The following TRIO variants were observed in gnomAD, a reference collection of about 807,000 sequenced individuals.
TRIO encodes the protein trio Rho guanine nucleotide exchange factor, also known as triple functional domain protein.
Under a neutral mutation model 351.9 loss-of-function variants are expected in TRIO, and 58 were observed. That is an observed-to-expected ratio of 0.16 (90% CI 0.13 to 0.21). The LOEUF (loss-of-function observed/expected upper bound fraction) is 0.21, where lower values mean the gene tolerates loss of function less well. Ranked by LOEUF, TRIO falls within the 10% of genes least tolerant of loss-of-function variation. TRIO has a pLI of 1.00. For missense variants in TRIO, 3,201 were observed against 4,027.8 expected, an observed-to-expected ratio of 0.79 and a Z score of 5.56; for synonymous variants, 1,758 against 1,595.7, an observed-to-expected ratio of 1.10 and a Z score of -2.42.
intron 1 of TRIO, among the ~76,000 whole-genome samples, chr5:14,241,539 T>C (rs1435564549): frequency 1.3e-5 from 2 of 152,240 alleles, no homozygotes; most frequent in African/African-American, 4.8e-5. Context: ...TTAAAAATGT[T>C]CTTAAAACCC....
In TRIO at chr5:14,492,582, A is replaced by G. The variant is rs551360394; in HGVS notation, c.7648A>G (p.Ser2550Gly). The change falls in exon 49 of 57, where the codon AGT (serine) becomes GGT (glycine). Residue 2550 changes from serine (S) to glycine (G), a missense_variant. Ser to Gly is a moderately conservative substitution (Grantham distance 56, BLOSUM62 0). Transcript: ENST00000344204. ...CCCTCTGCAGAGTGAAAGCAGCAGC[A>G]GTAGCAACATCTCCACCATGTTGGT... ...TQSNGSESSSSSNISTMLVTH... is the reference protein window; with the variant it reads ...TQSNGSESSSGSNISTMLVTH... 4 of 1,614,056 alleles carry G rather than the reference A, an allele frequency of 2.5e-6. No homozygotes were observed. The highest frequency in any genetic ancestry group is 1.1e-5 in the South Asian group (1 of 91,084).
Position 14,487,508 on chromosome 5 carries a change from G to A in TRIO, c.6880G>A (p.Gly2294Ser), listed in dbSNP as rs468203. The change falls in exon 48 of 57, where the codon GGC becomes AGC. Residue 2294 changes from glycine to serine, a missense_variant. Gly to Ser is a moderately conservative substitution (Grantham distance 56). Transcript: ENST00000344204. Reference protein sequence around the residue: ...IEYQRNHSGGGGGGGSGGSGG... With the variant: ...IEYQRNHSGGSGGGGSGGSGG... The stretch of plus-strand genomic sequence containing the variant: ...GTACCAGAGGAACCACAGCGGGGGC[G>A]GCGGCGGCGGCGGCAGCGGGGGCAG... 1 of 1,076,466 alleles carries A rather than the reference G, an allele frequency of 9.3e-7. No homozygotes were observed. 66.7% of individuals were successfully genotyped at this position (1,076,466 alleles called of 1,614,324 possible).
At chr5:14,451,913 G>T (rs1373765811) in intron 34 of TRIO, among the ~76,000 whole-genome samples, 1 of 152,204 alleles carries the variant, frequency 6.6e-6, no homozygotes, top group Non-Finnish European at 1.5e-5. Context: ...AGTAAGATGG[G>T]AATATCTGTC....
At chr5:14,484,835 C>T (rs548640142) in intron 46 of TRIO, among the ~76,000 whole-genome samples, 1 of 152,250 alleles carries the variant, frequency 6.6e-6, no homozygotes, top group Non-Finnish European at 1.5e-5. Flanking sequence ...CTAAGGACTT[C>T]CTGTAAGTGG....
intron 41 of TRIO, among the ~76,000 whole-genome samples, chr5:14,479,007 T>C (rs1274360453): frequency 2.0e-5 from 3 of 151,608 alleles, no homozygotes; most frequent in Non-Finnish European, 4.4e-5. Flanking sequence ...CCTATGGTGT[T>C]TGTTGGTATT....
chr5:14,445,166 TG>T (rs1184753159), intron 34 of TRIO, among the ~76,000 whole-genome samples: 2 of 152,228 alleles, frequency 1.3e-5, no homozygotes, highest in Non-Finnish European at 2.9e-5. Flanking sequence ...TGAGTCGGCC[TG>T]GGAGCTGGGT....
chr5:14,267,567 AT>A (rs1795756151), intron 1 of TRIO, among the ~76,000 whole-genome samples: 1 of 152,198 alleles, frequency 6.6e-6, no homozygotes, highest in Non-Finnish European at 1.5e-5. Context: ...GAAGCCACTT[AT>A]TTTTAATTTT....
At chr5:14,472,510 G>T in intron 38 of TRIO, 82 bp from the exon 39 acceptor site, 1 of 1,418,322 alleles carries the variant, frequency 7.1e-7, no homozygotes, top group Non-Finnish European at 9.9e-7. Context: ...CCTGGAAGGA[G>T]TCCATCTTGA....
intron 1 of TRIO, among the ~76,000 whole-genome samples, chr5:14,145,091 C>G (rs868551535): frequency 2.0e-5 from 3 of 152,062 alleles, no homozygotes; most frequent in African/African-American, 7.2e-5. Context: ...CTGGGGACAC[C>G]GACAGGCCGG....
intron 1 of TRIO, among the ~76,000 whole-genome samples, chr5:14,199,106 A>C (rs1790938767): frequency 7.1e-6 from 1 of 139,906 alleles, no homozygotes; most frequent in Non-Finnish European, 1.5e-5. Context: ...GCATGATGGC[A>C]GGTGCCTGTA....
At chr5:14,145,682 G>C (rs1465587961) in intron 1 of TRIO, among the ~76,000 whole-genome samples, 1 of 152,146 alleles carries the variant, frequency 6.6e-6, no homozygotes, top group Non-Finnish European at 1.5e-5. Flanking sequence ...AGGCTCTTCT[G>C]CGTTGGAGAT....
intron 18 of TRIO, among the ~76,000 whole-genome samples, chr5:14,370,123 CTT>C (rs56791314): frequency 9.7e-5 from 14 of 144,322 alleles, no homozygotes; most frequent in Admixed American, 2.1e-4. Flanking sequence ...TTCTTTCTTT[CTT>C]TTTTTTTTTT....
intron 3 of TRIO, among the ~76,000 whole-genome samples, chr5:14,283,882 T>C (rs1474523350): frequency 6.6e-6 from 1 of 151,968 alleles, no homozygotes; most frequent in Non-Finnish European, 1.5e-5. Flanking sequence ...TTCTTGCTGC[T>C]GTCATTGCAA....
chr5:14,169,526 G>T (rs1276609365), intron 1 of TRIO, among the ~76,000 whole-genome samples: 3 of 152,096 alleles, frequency 2.0e-5, no homozygotes, highest in African/African-American at 4.8e-5. Context: ...CTTAGACGTT[G>T]GTTTCTCTTG....
intron 34 of TRIO, among the ~76,000 whole-genome samples, chr5:14,431,166 C>T (rs1292107360): frequency 1.3e-5 from 2 of 152,234 alleles, no homozygotes; most frequent in African/African-American, 2.4e-5. Flanking sequence ...CCCAGGAGAA[C>T]ATCCTCACGC....
At position 14,394,859 on chromosome 5, in the gene TRIO, T is replaced by C. The variant is rs1265265086; in HGVS notation, c.4311+729T>C. 2.0e-5 allele frequency among the ~76,000 whole-genome samples: 3 copies of C among 152,060 alleles called. No homozygotes were observed. In the East Asian group the frequency reaches 5.8e-4, roughly 29 times the overall value. On this transcript the variant is annotated intron_variant, in intron 28 of 56. Coordinates refer to ENST00000344204, the MANE Select transcript of TRIO (RefSeq NM_007118.4). ...CACAAAATGTATTTTATTTTTATAT[T>C]ATATATCATCAATACACATTTTCTT...
intron 1 of TRIO, among the ~76,000 whole-genome samples, chr5:14,173,284 A>G (rs1286711383): frequency 7.1e-6 from 1 of 140,598 alleles, no homozygotes; most frequent in Non-Finnish European, 1.5e-5. Context: ...GATCTAGGCT[A>G]ATTACAACCT....
At chr5:14,220,321 C>T (rs1423783117) in intron 1 of TRIO, among the ~76,000 whole-genome samples, 5 of 152,292 alleles carry the variant, frequency 3.3e-5, no homozygotes, top group East Asian at 3.9e-4. Context: ...TGTGTTCTGA[C>T]TGCTCCATTG....
intron 17 of TRIO, 128 bp from the exon 18 acceptor site, chr5:14,369,246 T>C (rs1744865391): frequency 7.4e-7 from 1 of 1,350,528 alleles, no homozygotes; most frequent in Non-Finnish European, 9.9e-7. Context: ...AGCCCATGGC[T>C]CCTTCTTATG....
Sources: allele counts gnomAD v4.1 joint callset (sites outside exome capture counted in the v4.1 genomes callset), GRCh38; gene constraint gnomAD v4.1.1; transcripts MANE v1.5; gene names NCBI Gene and HGNC (gene_info 2026-07-23, HGNC 2026-07-21).